TNS3: variants seen among roughly 807,000 people sequenced by gnomAD.
TNS3 encodes tensin-3.
A neutral mutation model predicts 140.9 loss-of-function variants in TNS3; 45 were observed. The observed-to-expected ratio is 0.32, with a 90% CI of 0.25 to 0.41. The LOEUF is 0.41. TNS3 is among the 10% of genes least tolerant of loss of function. TNS3 has a pLI of 1.00. For synonymous variants in TNS3, 815 were observed against 788.4 expected, an observed-to-expected ratio of 1.03 and a Z score of -0.56; for missense variants, 1,716 against 1,906.7, an observed-to-expected ratio of 0.90 and a Z score of 1.86.
At chr7:47,450,090 G>A (rs182091433) in intron 4 of TNS3, among the ~76,000 whole-genome samples, 66 of 152,358 alleles carry the variant, frequency 4.3e-4, no homozygotes, top group African/African-American at 1.4e-3. Context: ...GCAGTCTGTA[G>A]AATGAAGAAA....
rs983257159 is a variant in TNS3, at chr7:47,276,794, G to T, written c.*1282C>A. 4 of 152,270 alleles carry T rather than the reference G, an allele frequency of 2.6e-5. No homozygotes were observed. Among genetic ancestry groups the T allele is most frequent in the Admixed American group, 2.0e-4 (3 of 15,290 alleles). 9.4% of individuals were successfully genotyped at this position (152,270 alleles called of 1,614,324 possible). A position where few individuals can be genotyped will look rare whatever the true frequency, so the allele number is the denominator to read the frequency against. On this transcript the variant is annotated 3_prime_UTR_variant, in exon 31 of 31. Transcript: ENST00000311160. ...TCAAAAACAGCTTGTCAGTACCGGG[G>T]TTTCTTCTCTTTTTCCTCATCCTCC... is the stretch of plus-strand genomic sequence containing the variant.
intron 1 of TNS3, among the ~76,000 whole-genome samples, chr7:47,541,898 G>A (rs541000491): frequency 9.4e-4 from 142 of 150,300 alleles, no homozygotes; most frequent in Non-Finnish European, 1.5e-3. Flanking sequence ...GCAGTGAGCC[G>A]AAATTGTGCC....
chr7:47,358,928 G>A (rs1790160224), intron 17 of TNS3, among the ~76,000 whole-genome samples: 1 of 152,094 alleles, frequency 6.6e-6, no homozygotes, highest in Admixed American at 6.5e-5. Flanking sequence ...GAGCTTCTGG[G>A]GACAAATGAA....
At chr7:47,357,083 T>C (rs1790038614) in intron 17 of TNS3, among the ~76,000 whole-genome samples, 1 of 152,206 alleles carries the variant, frequency 6.6e-6, no homozygotes, top group African/African-American at 2.4e-5. Flanking sequence ...AGTGAGATCC[T>C]ATCTCAAATG....
At chr7:47,457,378 C>G (rs1449777384) in intron 4 of TNS3, among the ~76,000 whole-genome samples, 1 of 152,052 alleles carries the variant, frequency 6.6e-6, no homozygotes, top group Non-Finnish European at 1.5e-5. Flanking sequence ...CCCTTGATAT[C>G]TAATTGACCT....
chr7:47,282,185 G>A (rs1785180449), intron 28 of TNS3, among the ~76,000 whole-genome samples: 1 of 149,804 alleles, frequency 6.7e-6, no homozygotes, highest in Non-Finnish European at 1.5e-5. Context: ...CTGACCCTGT[G>A]TCCACCATGT....
At chr7:47,478,507 C>A (rs1415591122) in intron 4 of TNS3, among the ~76,000 whole-genome samples, 2 of 151,912 alleles carry the variant, frequency 1.3e-5, no homozygotes, top group East Asian at 3.9e-4. Flanking sequence ...GTAACAATTA[C>A]ATTATCCACA....
intron 20 of TNS3, among the ~76,000 whole-genome samples, chr7:47,341,468 T>G (rs1789015992): frequency 6.6e-6 from 1 of 152,214 alleles, no homozygotes; most frequent in Admixed American, 6.5e-5. Context: ...CAGTTCATGC[T>G]CATTAAGGAA....
chr7:47,490,834 G>A (rs1797783485), intron 3 of TNS3, among the ~76,000 whole-genome samples: 1 of 152,188 alleles, frequency 6.6e-6, no homozygotes, highest in South Asian at 2.1e-4. Flanking sequence ...GAGTGTACAG[G>A]GGATTTGTTA....
chr7:47,472,960 A>G (rs1443169288), intron 4 of TNS3, among the ~76,000 whole-genome samples: 1 of 152,158 alleles, frequency 6.6e-6, no homozygotes, highest in Non-Finnish European at 1.5e-5. Flanking sequence ...ACGGACTTAC[A>G]GTGCTGGCCC....
At chr7:47,443,090 C>T (rs1215879590) in intron 4 of TNS3, among the ~76,000 whole-genome samples, 1 of 152,214 alleles carries the variant, frequency 6.6e-6, no homozygotes, top group Non-Finnish European at 1.5e-5. Flanking sequence ...GATCTAGGGG[C>T]GTGCTCTTCA....
At chr7:47,460,521 A>G (rs1796446334) in intron 4 of TNS3, among the ~76,000 whole-genome samples, 1 of 152,192 alleles carries the variant, frequency 6.6e-6, no homozygotes, top group Non-Finnish European at 1.5e-5. Context: ...GCCAGGAGCA[A>G]CCTTCAGCTC....
intron 18 of TNS3, among the ~76,000 whole-genome samples, chr7:47,345,758 C>T (rs1584448918): frequency 6.6e-6 from 1 of 152,262 alleles, no homozygotes; most frequent in Non-Finnish European, 1.5e-5. Flanking sequence ...AGTGTGATGA[C>T]CCTGAAGGAA....
intron 3 of TNS3, among the ~76,000 whole-genome samples, chr7:47,492,206 TG>T (rs1797839923): frequency 6.6e-6 from 1 of 152,202 alleles, no homozygotes; most frequent in Non-Finnish European, 1.5e-5. Context: ...ACTGGCTTTC[TG>T]TCATGGCTCT....
At chr7:47,418,726 T>A (rs1246174472) in intron 10 of TNS3, among the ~76,000 whole-genome samples, 1 of 152,250 alleles carries the variant, frequency 6.6e-6, no homozygotes, top group Non-Finnish European at 1.5e-5. Flanking sequence ...AAAAGCAGCT[T>A]GAAATTTTCA....
At chr7:47,580,626 C>G (rs1269467073) in intron 1 of TNS3, among the ~76,000 whole-genome samples, 1 of 151,370 alleles carries the variant, frequency 6.6e-6, no homozygotes, top group African/African-American at 2.4e-5. Flanking sequence ...CCCTGGCCCT[C>G]AAGGCCTCAG....
intron 7 of TNS3, among the ~76,000 whole-genome samples, chr7:47,436,003 A>G (rs75132127): frequency 0.017 from 2,545 of 152,300 alleles, 63 homozygotes; most frequent in African/African-American, 0.058. Context: ...AGTGGCCCAC[A>G]GTGGCCACAC....
intron 20 of TNS3, among the ~76,000 whole-genome samples, chr7:47,341,840 A>G (rs1004644493): frequency 6.6e-6 from 1 of 152,006 alleles, no homozygotes; most frequent in Non-Finnish European, 1.5e-5. Flanking sequence ...TTCTTGCCCA[A>G]AATTTCCTCT....
chr7:47,466,165 T>G (rs970612912), intron 4 of TNS3, among the ~76,000 whole-genome samples: 3 of 152,084 alleles, frequency 2.0e-5, no homozygotes, highest in Non-Finnish European at 4.4e-5. Flanking sequence ...CCTTTCTTTT[T>G]TTTTTCTTTG....
Sources: allele counts gnomAD v4.1 joint callset (sites outside exome capture counted in the v4.1 genomes callset), GRCh38; gene constraint gnomAD v4.1.1; transcripts MANE v1.5; gene names NCBI Gene and HGNC (gene_info 2026-07-23, HGNC 2026-07-21).